The following SLC1A3 variants were observed in gnomAD, a reference collection of about 807,000 sequenced individuals.
SLC1A3 encodes the protein solute carrier family 1 member 3.
A neutral mutation model predicts 48.1 loss-of-function variants in SLC1A3; 21 were observed. That is an observed-to-expected ratio of 0.44 (90% confidence interval 0.31 to 0.63). SLC1A3 has a LOEUF of 0.63. Among genes scored for constraint, SLC1A3 ranks in the 20% least tolerant of loss-of-function variants. The pLI is 0.08. For synonymous variants in SLC1A3, 239 were observed against 251.4 expected, an observed-to-expected ratio of 0.95 and a Z score of 0.47; for missense variants, 546 against 689.0, an observed-to-expected ratio of 0.79 and a Z score of 2.32.
chr5:36,604,858 T>C (rs1738860927), upstream of SLC1A3, among the ~76,000 whole-genome samples: 1 of 137,766 alleles, frequency 7.3e-6, no homozygotes, highest in Admixed American at 7.5e-5. Flanking sequence ...TCTTTCGAGT[T>C]CCCTTGCAAT....
rs770826828 is a variant in SLC1A3, at chr5:36,671,026, C to T, written c.320-3C>T. On this transcript the variant is annotated splice_polypyrimidine_tract_variant and splice_region_variant and intron_variant, in intron 3 of 9. Coordinates refer to ENST00000265113, the MANE Select transcript of SLC1A3 (RefSeq NM_004172.5). ...CTGAAAATCTTCTGTTTGCCTCCAC[C>T]AGGAATGGCGGCGCTAGATAGTAAG... 6.2e-7 allele frequency: 1 copy of T among 1,613,682 alleles called. No individual in the cohort carries two copies. Among genetic ancestry groups the T allele is most frequent in the East Asian group, 2.2e-5 (1 of 44,884 alleles).
intron 1 of SLC1A3, among the ~76,000 whole-genome samples, chr5:36,607,717 T>C (rs1739010470): frequency 6.6e-6 from 1 of 152,126 alleles, no homozygotes; most frequent in Non-Finnish European, 1.5e-5. Flanking sequence ...AATGAAAAAA[T>C]TACCCTGTAA....
At chr5:36,627,764 C>T (rs186541622) in intron 2 of SLC1A3, among the ~76,000 whole-genome samples, 5 of 152,290 alleles carry the variant, frequency 3.3e-5, no homozygotes, top group Admixed American at 3.3e-4. Flanking sequence ...GTTGCCTTTG[C>T]TCTACAGGAG....
intron 1 of SLC1A3, among the ~76,000 whole-genome samples, chr5:36,600,662 G>C (rs989751807): frequency 3.9e-5 from 6 of 152,138 alleles, no homozygotes; most frequent in African/African-American, 1.4e-4. Flanking sequence ...TGCCTCATAA[G>C]GCAATGGGAA....
chr5:36,619,751 T>A (rs1036753907), intron 2 of SLC1A3, among the ~76,000 whole-genome samples: 1 of 152,354 alleles, frequency 6.6e-6, no homozygotes, highest in East Asian at 1.9e-4. Flanking sequence ...TAGAAATTTT[T>A]ATTTGATTTC....
At chr5:36,622,355 T>A (rs994432959) in intron 2 of SLC1A3, among the ~76,000 whole-genome samples, 4 of 152,222 alleles carry the variant, frequency 2.6e-5, no homozygotes, top group Non-Finnish European at 5.9e-5. Flanking sequence ...GTAATAACTC[T>A]TAGAAGACTT....
chr5:36,666,362 A>T (rs1405348325), intron 3 of SLC1A3: 1 of 152,204 alleles, frequency 6.6e-6, no homozygotes, highest in African/African-American at 2.4e-5. Flanking sequence ...AGATGCGTGT[A>T]TGAGAAACTC....
intron 3 of SLC1A3, among the ~76,000 whole-genome samples, chr5:36,640,363 G>A (rs1011700140): frequency 7.9e-5 from 12 of 152,146 alleles, no homozygotes; most frequent in Non-Finnish European, 1.5e-4. Context: ...GCTGGAAGCC[G>A]GTGCATTACC....
chr5:36,641,490 T>C (rs1318535647), intron 3 of SLC1A3, among the ~76,000 whole-genome samples: 1 of 152,188 alleles, frequency 6.6e-6, no homozygotes, highest in Non-Finnish European at 1.5e-5. Flanking sequence ...ATTACAAATG[T>C]TCTACAATTG....
intron 2 of SLC1A3, among the ~76,000 whole-genome samples, chr5:36,620,219 T>C (rs969292988): frequency 1.3e-5 from 2 of 152,186 alleles, no homozygotes; most frequent in African/African-American, 4.8e-5. Context: ...AATTAAATCA[T>C]TTAGATAAAG....
chr5:36,683,732 GT>G (rs1742531521), intron 8 of SLC1A3, 131 bp from the exon 9 acceptor site: 9 of 947,738 alleles, frequency 9.5e-6, no homozygotes, highest in African/African-American at 8.2e-5. Context: ...TCTCATTTAC[GT>G]TTTTTCTGAA....
rs778341184 is a variant in SLC1A3, at chr5:36,687,986, A to G, written c.*1717A>G. On this transcript the variant is annotated 3_prime_UTR_variant, in exon 10 of 10. Transcript: ENST00000265113. ...TAGATCCTCTGATATACAATTAGAGATATTTTTATATAGACCCCAAGCATT... is the reference window on the plus strand; with the variant it reads ...TAGATCCTCTGATATACAATTAGAGGTATTTTTATATAGACCCCAAGCATT... 1 of 152,234 alleles carries G rather than the reference A, an allele frequency of 6.6e-6. No individual in the cohort carries two copies. The highest frequency in any genetic ancestry group is 1.5e-5 in the Non-Finnish European group (1 of 68,042). The allele number at this position is 152,234 out of a possible 1,614,324, so 9.4% of individuals were successfully genotyped here.
At position 36,676,926 on chromosome 5, in the gene SLC1A3, T is replaced by C; in HGVS notation, c.602T>C (p.Val201Ala). Reference protein sequence around the residue: ...KTNYEKRSFKVPIQANETLVG... With the variant: ...KTNYEKRSFKAPIQANETLVG... ...AACTATGAGAAGAGAAGCTTTAAAG[T>C]GCCCATCCAGGCCAACGAAACGCTT... Residue 201 changes from valine to alanine, a missense_variant, in exon 6 of 10, where the codon GTG (valine) becomes GCG (alanine). Val to Ala is a moderately conservative substitution (Grantham distance 64). Around this residue, in one of 3 missense-constraint regions of SLC1A3, gnomAD observed 348 missense variants for 392.0 expected, o/e 0.89. Coordinates refer to ENST00000265113, the MANE Select transcript of SLC1A3 (RefSeq NM_004172.5). 6.2e-7 allele frequency: 1 copy of C among 1,613,958 alleles called. No individual in the cohort carries two copies.
chr5:36,666,239 TA>T (rs978231486), intron 3 of SLC1A3: 5 of 152,122 alleles, frequency 3.3e-5, no homozygotes, highest in Non-Finnish European at 5.9e-5. Flanking sequence ...ATTTTCTTAT[TA>T]AAAAAACTTA....
intron 3 of SLC1A3, among the ~76,000 whole-genome samples, chr5:36,642,767 A>G (rs1489163952): frequency 6.6e-6 from 1 of 152,150 alleles, no homozygotes; most frequent in Admixed American, 6.5e-5. Context: ...TTCTTTCTCT[A>G]TAGATCTACC....
chr5:36,639,569 T>C (rs952959982), intron 3 of SLC1A3, among the ~76,000 whole-genome samples: 1 of 152,216 alleles, frequency 6.6e-6, no homozygotes, highest in Admixed American at 6.5e-5. Flanking sequence ...TTCTGAATGA[T>C]TGATGACTAA....
intron 2 of SLC1A3, among the ~76,000 whole-genome samples, chr5:36,611,280 TAAAAAAAA>T (rs11336594): frequency 7.5e-6 from 1 of 132,512 alleles, no homozygotes; most frequent in South Asian, 2.4e-4. Flanking sequence ...TTGCTTTTAG[TAAAAAAAA>T]AAAAAAAAAA....
At chr5:36,668,477 G>C (rs1402220404) in intron 3 of SLC1A3, 2 of 152,256 alleles carry the variant, frequency 1.3e-5, no homozygotes, top group South Asian at 2.1e-4. Context: ...TGGAACAGAG[G>C]TGGTCAAGTA....
At chr5:36,631,782 A>T (rs548392596) in intron 3 of SLC1A3, among the ~76,000 whole-genome samples, 12 of 152,374 alleles carry the variant, frequency 7.9e-5, no homozygotes, top group African/African-American at 2.9e-4. Context: ...TGGATTCAGT[A>T]AGAATGTCCT....
Sources: allele counts gnomAD v4.1 joint callset (sites outside exome capture counted in the v4.1 genomes callset), GRCh38; gene constraint gnomAD v4.1.1; regional missense constraint gnomAD v4.1.1; transcripts MANE v1.5; gene names NCBI Gene and HGNC (gene_info 2026-07-23, HGNC 2026-07-21).